The following TMEM272 variants were observed in gnomAD, a reference collection of about 807,000 sequenced individuals.
TMEM272 encodes the protein transmembrane protein 272.
TMEM272 carries 8 observed loss-of-function variants against 3.7 expected under a neutral mutation model. That is an observed-to-expected ratio of 2.17 (90% CI 1.27 to 3.91). TMEM272 has a LOEUF of 3.91. Ranked by LOEUF, TMEM272 falls within the 30% of genes most tolerant of loss-of-function variation. The pLI, the probability that TMEM272 is intolerant of heterozygous loss-of-function variation, is 0.00. For missense variants in TMEM272, 166 were observed against 91.5 expected, an observed-to-expected ratio of 1.81 and a Z score of -3.32; for synonymous variants, 63 against 39.8, an observed-to-expected ratio of 1.58 and a Z score of -2.20.
the TMEM272 span, among the ~76,000 whole-genome samples, chr13:51,912,403 G>A: frequency 1.3e-5 from 2 of 152,238 alleles, no homozygotes; most frequent in East Asian, 3.9e-4. Context: ...ACCGAGCCAT[G>A]CCTGGCACAT....
intron 1 of TMEM272, among the ~76,000 whole-genome samples, chr13:51,838,956 C>T (rs1030610204): frequency 6.6e-6 from 1 of 152,126 alleles, no homozygotes; most frequent in Non-Finnish European, 1.5e-5. Flanking sequence ...TTACAGATGG[C>T]GCCTTAGAGA....
the TMEM272 span, among the ~76,000 whole-genome samples, chr13:51,910,922 T>C: frequency 6.6e-6 from 1 of 152,208 alleles, no homozygotes. Flanking sequence ...ATCCCAGCTA[T>C]GCCCATCCCC....
the TMEM272 span, chr13:51,865,579 A>G: frequency 6.2e-7 from 1 of 1,613,820 alleles, no homozygotes; most frequent in Non-Finnish European, 8.5e-7. Flanking sequence ...ACTTCAGGGA[A>G]GAGATGTGGA....
At chr13:51,872,974 T>C in the TMEM272 span, among the ~76,000 whole-genome samples, 1 of 151,846 alleles carries the variant, frequency 6.6e-6, no homozygotes, top group African/African-American at 2.4e-5. Flanking sequence ...AAGACAGGGG[T>C]AGAGGTGGCA....
At position 51,822,065 on chromosome 13, in the gene TMEM272, C is replaced by A. The variant is rs1289253163; in HGVS notation, c.191G>T (p.Gly64Val). 5.7e-6 allele frequency: 4 copies of A among 702,344 alleles called. No homozygotes were observed. The highest frequency in any genetic ancestry group is 7.8e-6 in the Non-Finnish European group (3 of 385,002). 43.5% of individuals were successfully genotyped at this position (702,344 alleles called of 1,614,324 possible). The change falls in exon 4 of 5, where the codon GGT becomes GTT. Residue 64 changes from glycine (G) to valine (V), a missense_variant. By Grantham distance (109) the Gly-to-Val change is moderately radical (BLOSUM62 -3). Coordinates refer to ENST00000629372, the MANE Select transcript of TMEM272 (RefSeq NM_001351003.2). ...ATAAAGATACTTTACCTTTAAGGTA[C>A]CGACGATGCCACCCACTAGCAAATA... ...PLYLLVGGIVGTLKVSLLLYD... is the reference protein window; with the variant it reads ...PLYLLVGGIVVTLKVSLLLYD...
the TMEM272 span, among the ~76,000 whole-genome samples, chr13:51,859,775 ATTATT>A: frequency 1.1e-4 from 17 of 152,200 alleles, no homozygotes; most frequent in Admixed American, 2.6e-4. Flanking sequence ...TAGTTACTAT[ATTATT>A]TTAAGTGTCC....
the TMEM272 span, among the ~76,000 whole-genome samples, chr13:51,904,400 T>TTGA: frequency 6.6e-6 from 1 of 152,166 alleles, no homozygotes; most frequent in African/African-American, 2.4e-5. Flanking sequence ...GTAATTGTTG[T>TTGA]TGATGATGAT....
the TMEM272 span, among the ~76,000 whole-genome samples, chr13:51,924,400 C>A: frequency 3.9e-5 from 6 of 152,082 alleles, no homozygotes; most frequent in Admixed American, 6.5e-5. Flanking sequence ...AAAACAAAAA[C>A]AAACAAAAAC....
At position 51,813,999 on chromosome 13, in the gene TMEM272, G is replaced by A. The variant is rs978580407; in HGVS notation, c.*2752C>T. 6.6e-6 allele frequency: 1 copy of A among 152,144 alleles called. No individual in the cohort carries two copies. The highest frequency in any genetic ancestry group is 1.5e-5 in the Non-Finnish European group (1 of 68,046). The allele number at this position is 152,144 out of a possible 1,614,324, so 9.4% of individuals were successfully genotyped here. A position where few individuals can be genotyped will look rare whatever the true frequency, so the allele number is the denominator to read the frequency against. ...CATGGAGGAAGGCTGCCCAGCTCTT[G>A]GGCCAGTCTTAGATGGGCATTTTCA... On this transcript the variant is annotated 3_prime_UTR_variant, in exon 5 of 5. Coordinates refer to ENST00000629372, the MANE Select transcript of TMEM272 (RefSeq NM_001351003.2).
At chr13:51,858,431 A>G in the TMEM272 span, among the ~76,000 whole-genome samples, 1 of 152,244 alleles carries the variant, frequency 6.6e-6, no homozygotes, top group Non-Finnish European at 1.5e-5. Context: ...TGAGCTGGAA[A>G]TCAGTAACAA....
chr13:51,871,957 T>C, the TMEM272 span, among the ~76,000 whole-genome samples: 49,536 of 151,820 alleles, frequency 0.33, 8,220 homozygotes, highest in East Asian at 0.43. Flanking sequence ...CCCAGGGAAT[T>C]TGACCAGCTC....
chr13:51,842,218 G>A (rs1202821548), intron 1 of TMEM272, among the ~76,000 whole-genome samples: 2 of 152,200 alleles, frequency 1.3e-5, no homozygotes, highest in African/African-American at 2.4e-5. Context: ...GGAATGTGCC[G>A]CAGGCAGGCG....
At chr13:51,882,915 C>T in the TMEM272 span, among the ~76,000 whole-genome samples, 1 of 152,224 alleles carries the variant, frequency 6.6e-6, no homozygotes, top group African/African-American at 2.4e-5. Flanking sequence ...GTTTGCTCCA[C>T]CCACTCCACC....
At chr13:51,818,483 G>A (rs567543410) in intron 4 of TMEM272, among the ~76,000 whole-genome samples, 6 of 152,170 alleles carry the variant, frequency 3.9e-5, no homozygotes, top group Admixed American at 3.9e-4. Context: ...GAGATCTGGG[G>A]GTTACCCGTG....
chr13:51,850,010 T>C (rs1956323691), upstream of TMEM272, among the ~76,000 whole-genome samples: 1 of 152,208 alleles, frequency 6.6e-6, no homozygotes, highest in East Asian at 1.9e-4. Context: ...ACACCAGGAG[T>C]TCGAGACCAG....
At chr13:51,865,920 A>C in the TMEM272 span, 1 of 1,613,922 alleles carries the variant, frequency 6.2e-7, no homozygotes, top group African/African-American at 1.3e-5. Context: ...TGGGAAGATA[A>C]AACGTCCCTC....
chr13:51,929,128 C>T, the TMEM272 span, among the ~76,000 whole-genome samples: 2 of 151,880 alleles, frequency 1.3e-5, no homozygotes, highest in Admixed American at 6.6e-5. Flanking sequence ...ACCTGGGAGG[C>T]GGAGGTTGCA....
At chr13:51,838,217 T>C (rs1292806932) in intron 2 of TMEM272, among the ~76,000 whole-genome samples, 1 of 152,180 alleles carries the variant, frequency 6.6e-6, no homozygotes, top group Non-Finnish European at 1.5e-5. Flanking sequence ...TCCGTTCACA[T>C]GCATATTTTT....
At chr13:51,882,400 A>G in the TMEM272 span, among the ~76,000 whole-genome samples, 1 of 152,250 alleles carries the variant, frequency 6.6e-6, no homozygotes, top group Admixed American at 6.5e-5. Context: ...TAGAATACTG[A>G]AGCAGTAGTA....
Sources: allele counts gnomAD v4.1 joint callset (sites outside exome capture counted in the v4.1 genomes callset), GRCh38; gene constraint gnomAD v4.1.1; transcripts MANE v1.5; gene names NCBI Gene and HGNC (gene_info 2026-07-23, HGNC 2026-07-21).